The following INPP4B variants were observed in gnomAD, a reference collection of about 807,000 sequenced individuals.
INPP4B encodes the protein inositol polyphosphate-4-phosphatase type II B, also known as inositol polyphosphate 4-phosphatase type II.
A neutral mutation model predicts 122.5 loss-of-function variants in INPP4B; 55 were observed. The ratio of observed to expected loss-of-function variants is 0.45; its 90% CI spans 0.36 to 0.56. The LOEUF (loss-of-function observed/expected upper bound fraction) is 0.56. Among genes scored for constraint, INPP4B ranks in the 20% least tolerant of loss-of-function variants. INPP4B has a pLI of 0.00. For missense variants in INPP4B, 1,000 were observed against 1,097.7 expected, an observed-to-expected ratio of 0.91 and a Z score of 1.26; for synonymous variants, 403 against 388.7, an observed-to-expected ratio of 1.04 and a Z score of -0.43.
intron 7 of INPP4B, among the ~76,000 whole-genome samples, chr4:142,351,965 A>C (rs1311906203): frequency 1.3e-5 from 2 of 152,014 alleles, no homozygotes; most frequent in Non-Finnish European, 2.9e-5. Flanking sequence ...TACTAAATGT[A>C]ATATAGCTCT....
chr4:142,764,432 C>A (rs1045225932), intron 1 of INPP4B, among the ~76,000 whole-genome samples: 8 of 151,996 alleles, frequency 5.3e-5, no homozygotes, highest in African/African-American at 1.9e-4. Context: ...GGCACAGCAC[C>A]ATACTGGGCT....
At chr4:142,317,395 T>C (rs1768134591) in intron 7 of INPP4B, 3 of 313,868 alleles carry the variant, frequency 9.6e-6, no homozygotes, top group East Asian at 9.5e-5. Context: ...TTAAATATGA[T>C]GTTGGGAGAT....
chr4:142,710,306 G>C (rs78856049), intron 2 of INPP4B, among the ~76,000 whole-genome samples: 132 of 152,234 alleles, frequency 8.7e-4, no homozygotes, highest in African/African-American at 3.1e-3. Flanking sequence ...TCATTGAAGG[G>C]TAAAAATTGT....
At chr4:142,279,441 T>C (rs1001437554) in intron 9 of INPP4B, among the ~76,000 whole-genome samples, 1 of 151,432 alleles carries the variant, frequency 6.6e-6, no homozygotes, top group Non-Finnish European at 1.5e-5. Flanking sequence ...AACTGACAAA[T>C]AGAAAATATA....
chr4:142,572,464 CA>C (rs1733038314), intron 2 of INPP4B, among the ~76,000 whole-genome samples: 1 of 152,056 alleles, frequency 6.6e-6, no homozygotes, highest in South Asian at 2.1e-4. Flanking sequence ...AATACAACCA[CA>C]ACATTGCTTC....
At chr4:142,384,151 T>A in intron 7 of INPP4B, 1 of 701,946 alleles carries the variant, frequency 1.4e-6, no homozygotes, top group Non-Finnish European at 2.6e-6. Context: ...AAGTTTCCAA[T>A]CTGACATAGC....
chr4:142,608,512 G>A (rs1357602764), intron 2 of INPP4B, among the ~76,000 whole-genome samples: 1 of 152,016 alleles, frequency 6.6e-6, no homozygotes. Flanking sequence ...CATTGCACTT[G>A]AAATCCATCT....
chr4:142,642,392 T>C (rs1249842466), intron 2 of INPP4B, among the ~76,000 whole-genome samples: 4 of 152,236 alleles, frequency 2.6e-5, no homozygotes, highest in African/African-American at 9.6e-5. Flanking sequence ...AGGGTTTTTA[T>C]GGTTTTAGGT....
chr4:142,573,743 G>T (rs1239834773), intron 2 of INPP4B, among the ~76,000 whole-genome samples: 1 of 152,070 alleles, frequency 6.6e-6, no homozygotes, highest in Non-Finnish European at 1.5e-5. Flanking sequence ...TTTAGCTTAA[G>T]CACAGTCACG....
At chr4:142,824,824 T>TA (rs1781258887) in intron 1 of INPP4B, among the ~76,000 whole-genome samples, 1 of 152,054 alleles carries the variant, frequency 6.6e-6, no homozygotes, top group Non-Finnish European at 1.5e-5. Context: ...GTCTAGAACT[T>TA]AAAAAACGTA....
intron 6 of INPP4B, among the ~76,000 whole-genome samples, chr4:142,404,609 G>A (rs1022968633): frequency 2.6e-5 from 4 of 152,098 alleles, no homozygotes; most frequent in African/African-American, 7.2e-5. Flanking sequence ...CCCATCTGAT[G>A]AGTAATATTT....
chr4:142,323,648 T>C (rs1771098525), intron 7 of INPP4B, among the ~76,000 whole-genome samples: 1 of 151,986 alleles, frequency 6.6e-6, no homozygotes, highest in Non-Finnish European at 1.5e-5. Context: ...GGTTTCACCA[T>C]GTTAGCCAGG....
intron 1 of INPP4B, among the ~76,000 whole-genome samples, chr4:142,740,336 A>T (rs571482526): frequency 1.3e-5 from 2 of 152,234 alleles, no homozygotes; most frequent in South Asian, 4.1e-4. Flanking sequence ...CATTGTGCTC[A>T]ATAAGTAGAT....
chr4:142,439,045 C>A (rs1391470797), intron 3 of INPP4B, among the ~76,000 whole-genome samples: 1 of 152,130 alleles, frequency 6.6e-6, no homozygotes, highest in Admixed American at 6.5e-5. Flanking sequence ...CATCAAGAGA[C>A]CTGCTGTGAG....
chr4:142,250,309 A>G (rs1227642289), intron 11 of INPP4B, among the ~76,000 whole-genome samples: 1 of 152,212 alleles, frequency 6.6e-6, no homozygotes, highest in Non-Finnish European at 1.5e-5. Context: ...TTCCTGATTT[A>G]TACCAAAATC....
intron 11 of INPP4B, among the ~76,000 whole-genome samples, chr4:142,254,183 C>A (rs181975352): frequency 6.6e-4 from 101 of 152,212 alleles, no homozygotes; most frequent in African/African-American, 2.4e-3. Context: ...GAAAGGACAT[C>A]CACACCAAAA....
intron 11 of INPP4B, among the ~76,000 whole-genome samples, chr4:142,250,226 T>C (rs1268852132): frequency 6.6e-6 from 1 of 152,220 alleles, no homozygotes; most frequent in Non-Finnish European, 1.5e-5. Flanking sequence ...ACATTCAACT[T>C]GCAAGGGCAT....
At chr4:142,285,039 G>T (rs1752890960) in intron 9 of INPP4B, among the ~76,000 whole-genome samples, 1 of 152,112 alleles carries the variant, frequency 6.6e-6, no homozygotes, top group Non-Finnish European at 1.5e-5. Flanking sequence ...GAGGGGCTGT[G>T]TAGGACAGAG....
intron 7 of INPP4B, among the ~76,000 whole-genome samples, chr4:142,338,243 A>G (rs1359682431): frequency 6.6e-6 from 1 of 151,900 alleles, no homozygotes; most frequent in Non-Finnish European, 1.5e-5. Context: ...ACTTTATTTT[A>G]TTTTATTTTT....
Sources: allele counts gnomAD v4.1 joint callset (sites outside exome capture counted in the v4.1 genomes callset), GRCh38; gene constraint gnomAD v4.1.1; transcripts MANE v1.5; gene names NCBI Gene and HGNC (gene_info 2026-07-23, HGNC 2026-07-21).